The following TMEM8B variants were observed in gnomAD, a reference collection of about 807,000 sequenced individuals.
TMEM8B encodes transmembrane protein 8B.
In TMEM8B, 29 loss-of-function variants were observed where a neutral mutation model predicts 49.3. The ratio of observed to expected loss-of-function variants is 0.59; its 90% CI spans 0.44 to 0.80. The LOEUF is 0.80. Among genes scored for constraint, TMEM8B ranks in the 30% least tolerant of loss-of-function variants. TMEM8B has a pLI of 0.00. For synonymous variants in TMEM8B, 264 were observed against 272.8 expected (o/e 0.97, Z 0.32); for missense variants, 575 against 658.5 (o/e 0.87, Z 1.39).
At chr9:35,851,847 T>C (rs1274322572) in intron 10 of TMEM8B, among the ~76,000 whole-genome samples, 2 of 152,256 alleles carry the variant, frequency 1.3e-5, no homozygotes, top group Non-Finnish European at 2.9e-5. Context: ...GCAGTTTAAA[T>C]GATTGGATGA....
chr9:35,853,238 G>C lies in TMEM8B; in HGVS notation c.2420G>C (p.Gly807Ala). 2 of 1,614,080 alleles carry C rather than the reference G, an allele frequency of 1.2e-6. No homozygotes were observed. Residue 807 changes from glycine (G) to alanine (A), a missense_variant, in exon 12 of 13, where the codon GGG (glycine) becomes GCG (alanine). Coordinates refer to ENST00000643932, the MANE Select transcript of TMEM8B (RefSeq NM_001042590.4). This position sits in a 1 kb window ranked among gnomAD's most constrained non-coding sequence, Gnocchi z 4.2. Reference protein sequence around the residue: ...NLLGPSLFALGILATAWTVRS... With the variant: ...NLLGPSLFALAILATAWTVRS... ...CTTGGACCCAGTCTCTTCGCCCTGG[G>C]GATCTTGGCCACAGCCTGGGTAAGG...
In TMEM8B at chr9:35,854,077, A is replaced by G; in HGVS notation, c.*237A>G. On this transcript the variant is annotated 3_prime_UTR_variant, in exon 13 of 13. Coordinates refer to ENST00000643932, the MANE Select transcript of TMEM8B (RefSeq NM_001042590.4). Reference sequence around the variant, plus strand: ...CTTAAGGACTGGAGCCTATGCAGGCACAGAGTCCCTCAGGACCAAGGAGTC... The same window carrying G: ...CTTAAGGACTGGAGCCTATGCAGGCGCAGAGTCCCTCAGGACCAAGGAGTC... 8.1e-7 allele frequency: 1 copy of G among 1,237,768 alleles called. No homozygotes were observed. The highest frequency in any genetic ancestry group is 1.0e-6 in the Non-Finnish European group (1 of 985,806). 76.7% of individuals were successfully genotyped at this position (1,237,768 alleles called of 1,614,324 possible).
rs1052082652 is a variant in TMEM8B at position 35,853,910 on chromosome 9, C to G, written c.*70C>G. 5.5e-5 allele frequency: 81 copies of G among 1,470,724 alleles called. 1 individual carries two copies. In the South Asian group the frequency reaches 9.5e-4, roughly 17 times the overall value. 91.1% of individuals were successfully genotyped at this position (1,470,724 alleles called of 1,614,324 possible). A position where few individuals can be genotyped will look rare whatever the true frequency, so the allele number is the denominator to read the frequency against. On this transcript the variant is annotated 3_prime_UTR_variant, in exon 13 of 13. Coordinates refer to ENST00000643932, the MANE Select transcript of TMEM8B (RefSeq NM_001042590.4). This position sits in a 1 kb window ranked among gnomAD's most constrained non-coding sequence, Gnocchi z 4.2. ...GAGTTCTTTCTGGGGGTGTGGAGCC[C>G]TCTTAGAAGGAGACAGGCTGTATTT... is the stretch of plus-strand genomic sequence containing the variant.
In TMEM8B at chr9:35,834,826, G is replaced by C. The variant is rs551066212; in HGVS notation, c.698+176G>C. Among the ~76,000 whole-genome samples, 4 of 150,178 alleles carry C rather than the reference G, an allele frequency of 2.7e-5. 1 individual carries two copies. The South Asian group carries it at 8.3e-4, about 31-fold the overall frequency. ...ACCACTTCCGGACTACTGTATGACT[G>C]TGCAAGTGCTTGAGCTGATCTCTCA... On this transcript the variant is annotated intron_variant, in intron 2 of 12. Transcript: ENST00000643932.
At position 35,858,564 on chromosome 9, in the gene TMEM8B, A is replaced by G. The variant is rs991083087; in HGVS notation, c.*4724A>G. 5.9e-5 allele frequency: 9 copies of G among 152,234 alleles called. No individual in the cohort carries two copies. The highest frequency in any genetic ancestry group is 2.2e-4 in the African/African-American group (9 of 41,444). The allele number at this position is 152,234 out of a possible 1,614,324, so 9.4% of individuals were successfully genotyped here. On this transcript the variant is annotated 3_prime_UTR_variant, in exon 13 of 13. Coordinates refer to ENST00000643932, the MANE Select transcript of TMEM8B (RefSeq NM_001042590.4). ...AAGGATAGATGGTCAGGATAAAGAA[A>G]GCCAAACCTCCCATAGCTCTTGGGT...
intron 9 of TMEM8B, 52 bp from the exon 10 acceptor site, chr9:35,846,765 G>T (rs1454628940): frequency 2.5e-6 from 4 of 1,569,810 alleles, no homozygotes; most frequent in Non-Finnish European, 2.6e-6. Context: ...CTGTGGCGTA[G>T]GCCCATAGCT....
intron 1 of TMEM8B, among the ~76,000 whole-genome samples, chr9:35,834,031 T>TACACACACACACACACACACAC (rs377460934): frequency 2.9e-5 from 4 of 138,322 alleles, no homozygotes; most frequent in Non-Finnish European, 6.2e-5. Context: ...CATGCCAAAA[T>TACACACACACACACACACACAC]ACACACACAC....
At position 35,860,557 on chromosome 9, in the gene TMEM8B, T is replaced by G. The variant is rs1466023751; in HGVS notation, c.*6717T>G. The G allele has an allele frequency of 2.0e-5, 3 of 152,168 alleles. No individual in the cohort carries two copies. The highest frequency in any genetic ancestry group is 6.5e-5 in the Admixed American group (1 of 15,280). 9.4% of individuals were successfully genotyped at this position (152,168 alleles called of 1,614,324 possible). A position where few individuals can be genotyped will look rare whatever the true frequency, so the allele number is the denominator to read the frequency against. Reference sequence around the variant, plus strand: ...AAGGCAGGTGGGTAATGGATGATGCTCACCTAGTGTTCCTTGGGCCATGAA... The same window carrying G: ...AAGGCAGGTGGGTAATGGATGATGCGCACCTAGTGTTCCTTGGGCCATGAA... On this transcript the variant is annotated 3_prime_UTR_variant, in exon 13 of 13. Transcript: ENST00000643932.
intron 1 of TMEM8B, chr9:35,833,440 C>A: frequency 2.3e-6 from 2 of 861,484 alleles, no homozygotes; most frequent in Non-Finnish European, 2.8e-6. Flanking sequence ...TTGGGACCCT[C>A]TTCCCCTGTC....
At chr9:35,852,265 A>G (rs1832206503) in intron 10 of TMEM8B, among the ~76,000 whole-genome samples, 1 of 152,132 alleles carries the variant, frequency 6.6e-6, no homozygotes, top group Non-Finnish European at 1.5e-5. Context: ...GTGAAGTGCC[A>G]TGCCTCTCTC....
At chr9:35,832,269 A>G (rs1829996991) in intron 1 of TMEM8B, among the ~76,000 whole-genome samples, 1 of 151,574 alleles carries the variant, frequency 6.6e-6, no homozygotes, top group Admixed American at 6.6e-5. Context: ...ATATTGGGGA[A>G]CCTGGAATAA....
chr9:35,853,680 G>C lies in TMEM8B; in HGVS notation c.2615G>C (p.Ser872Thr). Residue 872 changes from serine (S) to threonine (T), a missense_variant, in exon 13 of 13, where the codon AGT becomes ACT. Ser to Thr is a moderately conservative substitution (Grantham distance 58, BLOSUM62 1). Transcript: ENST00000643932. This position sits in a 1 kb window ranked among gnomAD's most constrained non-coding sequence, Gnocchi z 4.2. ...ATTTGGCATATGCTCATTGCGGGCAGTGTGGGCTTCCTGCTGCCCCCTCGT... is the reference window on the plus strand; with the variant it reads ...ATTTGGCATATGCTCATTGCGGGCACTGTGGGCTTCCTGCTGCCCCCTCGT... Reference protein sequence around the residue: ...HSIWHMLIAGSVGFLLPPRAK... With the variant: ...HSIWHMLIAGTVGFLLPPRAK... The C allele has an allele frequency of 1.9e-6, 3 of 1,614,204 alleles. No individual in the cohort carries two copies. Among genetic ancestry groups the C allele is most frequent in the Non-Finnish European group, 2.5e-6 (3 of 1,180,032 alleles).
intron 3 of TMEM8B, among the ~76,000 whole-genome samples, chr9:35,838,466 C>T (rs184866494): frequency 3.9e-5 from 6 of 151,924 alleles, no homozygotes; most frequent in Non-Finnish European, 5.9e-5. Context: ...GCTTGGTCCT[C>T]GAACAATTCC....
Position 35,858,352 on chromosome 9 carries a change from A to C in TMEM8B, c.*4512A>C, listed in dbSNP as rs1832589590. On this transcript the variant is annotated 3_prime_UTR_variant, in exon 13 of 13. Transcript: ENST00000643932. The stretch of plus-strand genomic sequence containing the variant: ...GTGATCCTCCCACCTCGGTCTCCCA[A>C]AGTGCTGGGATTACAGGTATGAGCC... The C allele has an allele frequency of 6.6e-6, 1 of 151,694 alleles. No individual in the cohort carries two copies. The highest frequency in any genetic ancestry group is 2.1e-4 in the South Asian group (1 of 4,796). The allele number at this position is 151,694 out of a possible 1,614,324, so 9.4% of individuals were successfully genotyped here. A position where few individuals can be genotyped will look rare whatever the true frequency, so the allele number is the denominator to read the frequency against.
rs140807774 is a variant in TMEM8B, at chr9:35,848,369, A to T, written c.2175+1374A>T. Reference sequence around the variant, plus strand: ...ATGCCCTTTCTACTGTGGCTCACCAAATCCTCCAGCAACAGCTGTTCTACC... The same window carrying T: ...ATGCCCTTTCTACTGTGGCTCACCATATCCTCCAGCAACAGCTGTTCTACC... On this transcript the variant is annotated intron_variant, in intron 10 of 12. Coordinates refer to ENST00000643932, the MANE Select transcript of TMEM8B (RefSeq NM_001042590.4). Among the ~76,000 whole-genome samples the T allele has an allele frequency of 7.9e-3, 1,197 of 152,304 alleles. 27 individuals carry two copies. The highest frequency in any genetic ancestry group is 0.069 in the East Asian group (356 of 5,176).
chr9:35,861,439 C>T lies in TMEM8B; in HGVS notation c.*7599C>T, dbSNP rs1450077913. On this transcript the variant is annotated 3_prime_UTR_variant, in exon 13 of 13. Transcript: ENST00000643932. ...GTTACCTGCTGCCTTCTTGTGCTCCCACTGCCCTTGGCCATCCCTCTGTGT... is the reference window on the plus strand; with the variant it reads ...GTTACCTGCTGCCTTCTTGTGCTCCTACTGCCCTTGGCCATCCCTCTGTGT... The T allele has an allele frequency of 6.5e-6, 1 of 153,592 alleles. No individual in the cohort carries two copies. The highest frequency in any genetic ancestry group is 1.5e-5 in the Non-Finnish European group (1 of 68,882). 9.5% of individuals were successfully genotyped at this position (153,592 alleles called of 1,614,324 possible). A position where few individuals can be genotyped will look rare whatever the true frequency, so the allele number is the denominator to read the frequency against.
intron 3 of TMEM8B, among the ~76,000 whole-genome samples, chr9:35,836,492 A>G (rs1830456183): frequency 1.3e-5 from 2 of 152,234 alleles, no homozygotes; most frequent in Admixed American, 6.5e-5. Context: ...GCCTGGCTCT[A>G]GTTATCCAAA....
Position 35,829,595 on chromosome 9 carries a change from C to A in TMEM8B, c.148C>A (p.Pro50Thr), listed in dbSNP as rs1003029377. 1 of 387,136 alleles carries A rather than the reference C, an allele frequency of 2.6e-6. No individual in the cohort carries two copies. Among genetic ancestry groups the A allele is most frequent in the Non-Finnish European group, 4.5e-6 (1 of 219,850 alleles). 24.0% of individuals were successfully genotyped at this position (387,136 alleles called of 1,614,324 possible). ...TPFQSLPLAWPPSRPRPSFHP... is the reference protein window; with the variant it reads ...TPFQSLPLAWTPSRPRPSFHP... ...CTTCCAGTCTCTGCCCCTGGCCTGG[C>A]CCCCATCCCGGCCTCGGCCCTCGTT... is the stretch of plus-strand genomic sequence containing the variant. The change falls in exon 1 of 13, where the codon CCC (proline) becomes ACC (threonine). Residue 50 changes from proline to threonine, a missense_variant. Pro to Thr is a conservative substitution (Grantham distance 38). Transcript: ENST00000643932.
Position 35,853,952 on chromosome 9 carries a change from C to G in TMEM8B, c.*112C>G. 1 of 1,399,594 alleles carries G rather than the reference C, an allele frequency of 7.1e-7. No individual in the cohort carries two copies. The highest frequency in any genetic ancestry group is 1.7e-5 in the South Asian group (1 of 57,604). The allele number at this position is 1,399,594 out of a possible 1,614,324, so 86.7% of individuals were successfully genotyped here. On this transcript the variant is annotated 3_prime_UTR_variant, in exon 13 of 13. Transcript: ENST00000643932. This position sits in a 1 kb window ranked among gnomAD's most constrained non-coding sequence, Gnocchi z 4.2. ...GCTGTATTTCTTGAGGACATGGAGT[C>G]TTTCTCAAGGACACAAAACTCTTCC...
Sources: allele counts gnomAD v4.1 joint callset (sites outside exome capture counted in the v4.1 genomes callset), GRCh38; gene constraint gnomAD v4.1.1; non-coding constraint Gnocchi (gnomAD v3.1); transcripts MANE v1.5; gene names NCBI Gene and HGNC (gene_info 2026-07-23, HGNC 2026-07-21).